SPHKAP: variants seen among roughly 807,000 people sequenced by gnomAD.
SPHKAP encodes the protein A-kinase anchor protein SPHKAP.
SPHKAP carries 67 observed loss-of-function variants against 137.5 expected under a neutral mutation model. The ratio of observed to expected loss-of-function variants is 0.49; its 90% confidence interval spans 0.40 to 0.60. The LOEUF is 0.60. SPHKAP is among the 20% of genes least tolerant of loss of function. SPHKAP has a pLI of 0.00. For missense variants in SPHKAP, 2,097 were observed against 2,069.3 expected, an observed-to-expected ratio of 1.01 and a Z score of -0.26; for synonymous variants, 813 against 785.3, an observed-to-expected ratio of 1.04 and a Z score of -0.59.
At chr2:228,165,047 A>T (rs1400141681) in intron 1 of SPHKAP, among the ~76,000 whole-genome samples, 1 of 152,194 alleles carries the variant, frequency 6.6e-6, no homozygotes, top group African/African-American at 2.4e-5. Flanking sequence ...GATCAATATT[A>T]GTACTGAATA....
chr2:228,095,667 A>G (rs1023385277), intron 3 of SPHKAP, among the ~76,000 whole-genome samples: 2 of 152,146 alleles, frequency 1.3e-5, no homozygotes, highest in Admixed American at 1.3e-4. Flanking sequence ...TTTGGTAGTA[A>G]AAGAAGGGAC....
intron 2 of SPHKAP, among the ~76,000 whole-genome samples, chr2:228,131,520 T>C (rs1365793574): frequency 1.3e-5 from 2 of 151,988 alleles, no homozygotes; most frequent in Non-Finnish European, 2.9e-5. Flanking sequence ...TAAGTCTATG[T>C]TCTAGAAAAT....
At chr2:228,128,900 C>T (rs1205169078) in intron 2 of SPHKAP, among the ~76,000 whole-genome samples, 4 of 152,108 alleles carry the variant, frequency 2.6e-5, no homozygotes, top group African/African-American at 9.7e-5. Flanking sequence ...AGATGTGCTG[C>T]AATCCAGGCT....
chr2:228,174,333 C>T (rs1442034597), intron 1 of SPHKAP, among the ~76,000 whole-genome samples: 3 of 151,212 alleles, frequency 2.0e-5, no homozygotes, highest in Non-Finnish European at 4.4e-5. Flanking sequence ...GCTTCAATGA[C>T]GTTCTCAGAA....
intron 3 of SPHKAP, among the ~76,000 whole-genome samples, chr2:228,104,835 T>C (rs776703856): frequency 6.6e-6 from 1 of 152,174 alleles, no homozygotes; most frequent in Non-Finnish European, 1.5e-5. Context: ...ATAGAAATAA[T>C]GTGAATGGTC....
chr2:228,009,885 T>A (rs1217524645), intron 7 of SPHKAP, among the ~76,000 whole-genome samples: 1 of 152,204 alleles, frequency 6.6e-6, no homozygotes, highest in African/African-American at 2.4e-5. Context: ...GGACTAAACA[T>A]CTTCCAGTAC....
intron 7 of SPHKAP, chr2:227,995,923 C>G (rs528283539): frequency 1.2e-5 from 12 of 980,450 alleles, no homozygotes; most frequent in Non-Finnish European, 1.3e-5. Context: ...CTACTGACTC[C>G]CTCCAATCAT....
chr2:228,117,830 C>CTT lies in SPHKAP; in HGVS notation c.139-8893_139-8892dup, dbSNP rs34166785. On this transcript the variant is annotated intron_variant, in intron 2 of 11. Transcript: ENST00000392056. The stretch of plus-strand genomic sequence containing the variant: ...CAACTGATCTGATTTCTTTCCTTTC[C>CTT]TTTTTTTTTTTTTTTCTGTAGAAGG... Among the ~76,000 whole-genome samples, 184 of 138,258 alleles carry CTT rather than the reference C, an allele frequency of 1.3e-3. 1 individual carries two copies. Among genetic ancestry groups the CTT allele is most frequent in the East Asian group, 2.3e-3 (11 of 4,730 alleles). 90.7% of individuals were successfully genotyped at this position (138,258 alleles called of 152,430 possible).
intron 1 of SPHKAP, among the ~76,000 whole-genome samples, chr2:228,176,196 TGTAA>T (rs1700734659): frequency 6.6e-6 from 1 of 152,210 alleles, no homozygotes; most frequent in Non-Finnish European, 1.5e-5. Context: ...AAAGAGTTTC[TGTAA>T]GTATAATGCT....
intron 7 of SPHKAP, among the ~76,000 whole-genome samples, chr2:228,001,608 T>C (rs1045128765): frequency 1.3e-5 from 2 of 150,178 alleles, no homozygotes; most frequent in Non-Finnish European, 3.0e-5. Flanking sequence ...CTAGGGTACA[T>C]GTGCACAATG....
At chr2:228,132,656 C>T (rs1699289797) in intron 1 of SPHKAP, 1 of 182,160 alleles carries the variant, frequency 5.5e-6, no homozygotes, top group Admixed American at 6.6e-5. Flanking sequence ...TCTGTCAAAT[C>T]TTCTTAATGG....
intron 3 of SPHKAP, among the ~76,000 whole-genome samples, chr2:228,081,838 G>GT (rs1697374283): frequency 6.6e-6 from 1 of 152,152 alleles, no homozygotes; most frequent in African/African-American, 2.4e-5. Context: ...CAAAATTTTA[G>GT]TTACAAAGAA....
At chr2:228,120,602 T>G (rs1438059516) in intron 2 of SPHKAP, among the ~76,000 whole-genome samples, 1 of 152,176 alleles carries the variant, frequency 6.6e-6, no homozygotes, top group Non-Finnish European at 1.5e-5. Flanking sequence ...GCCACTCAAT[T>G]ACTCATATTC....
At chr2:228,079,388 C>A (rs541777716) in intron 3 of SPHKAP, among the ~76,000 whole-genome samples, 3 of 152,178 alleles carry the variant, frequency 2.0e-5, no homozygotes, top group Non-Finnish European at 2.9e-5. Flanking sequence ...TTGGGGATCC[C>A]TGGCCCACAG....
At chr2:228,130,385 C>T (rs1360381746) in intron 2 of SPHKAP, among the ~76,000 whole-genome samples, 2 of 152,162 alleles carry the variant, frequency 1.3e-5, no homozygotes, top group African/African-American at 2.4e-5. Context: ...CTGCTGTAAA[C>T]ATTTCACATC....
intron 1 of SPHKAP, among the ~76,000 whole-genome samples, chr2:228,165,897 G>A (rs530699516): frequency 6.6e-5 from 10 of 152,296 alleles, no homozygotes; most frequent in African/African-American, 2.2e-4. Flanking sequence ...TTCTTTAAGA[G>A]GTTATGATTT....
chr2:228,118,240 GTTTTTT>G (rs71299665), intron 2 of SPHKAP, among the ~76,000 whole-genome samples: 2 of 124,136 alleles, frequency 1.6e-5, no homozygotes, highest in Non-Finnish European at 3.4e-5. Context: ...GAGATACACA[GTTTTTT>G]TTTTTTTTTT....
intron 3 of SPHKAP, among the ~76,000 whole-genome samples, chr2:228,036,492 A>AGAAC (rs1157030556): frequency 6.6e-6 from 1 of 152,228 alleles, no homozygotes; most frequent in African/African-American, 2.4e-5. Context: ...TCAGGGATCT[A>AGAAC]GAACTAGAAA....
chr2:228,110,962 A>G (rs943873320), intron 2 of SPHKAP, among the ~76,000 whole-genome samples: 3 of 152,104 alleles, frequency 2.0e-5, no homozygotes, highest in African/African-American at 4.8e-5. Flanking sequence ...AAAATAAAAA[A>G]TTTTCTTAGC....
Sources: gnomAD v4.1 joint callset for allele counts (sites outside exome capture counted in the v4.1 genomes callset) on GRCh38, gnomAD v4.1.1 for gene constraint, MANE v1.5 for transcripts, NCBI Gene and HGNC (gene_info 2026-07-23, HGNC 2026-07-21) for gene names.